PXDNL: variants seen among roughly 807,000 people sequenced by gnomAD.
PXDNL encodes the protein peroxidasin like.
In PXDNL, 145 loss-of-function variants were observed where a neutral mutation model predicts 150.8. The observed-to-expected ratio is 0.96, with a 90% CI of 0.84 to 1.10. The LOEUF is 1.10. Among genes scored for constraint, PXDNL ranks in the 50% least tolerant of loss-of-function variants. PXDNL has a pLI of 0.00. For synonymous variants in PXDNL, 757 were observed against 725.7 expected (o/e 1.04, Z -0.69); for missense variants, 2,087 against 1,873.9 (o/e 1.11, Z -2.10).
At chr8:51,356,483 T>C (rs1305674214) in intron 19 of PXDNL, among the ~76,000 whole-genome samples, 1 of 125,828 alleles carries the variant, frequency 7.9e-6, no homozygotes, top group East Asian at 2.5e-4. Context: ...TGAAACTCCA[T>C]CTCAAAAAAA....
Position 51,411,277 on chromosome 8 carries a change from CCT to C in PXDNL, c.2033_2034del (p.Gln678ArgfsTer15), listed in dbSNP as rs756786482. The C allele has an allele frequency of 2.0e-6, 3 of 1,520,126 alleles. No homozygotes were observed. The highest frequency in any genetic ancestry group is 3.5e-4 in the Middle Eastern group (2 of 5,782). The allele number at this position is 1,520,126 out of a possible 1,614,324, so 94.2% of individuals were successfully genotyped here. A position where few individuals can be genotyped will look rare whatever the true frequency, so the allele number is the denominator to read the frequency against. ...TLQLIRERVK[Q>X]GLTVDLEGKE... Reference sequence around the variant, plus strand: ...TTGCCTTCCAAGTCCACAGTGAGCCCCTGCTTCACACGTTCCCGTATCAGCTG... The same window carrying C: ...TTGCCTTCCAAGTCCACAGTGAGCCCGCTTCACACGTTCCCGTATCAGCTG... On this transcript the variant is annotated frameshift_variant, in exon 16 of 23. Coordinates refer to ENST00000356297, the MANE Select transcript of PXDNL (RefSeq NM_144651.5). LOFTEE classifies it high-confidence loss of function.
At chr8:51,628,405 T>TC (rs1240320595) in intron 2 of PXDNL, among the ~76,000 whole-genome samples, 2 of 118,158 alleles carry the variant, frequency 1.7e-5, no homozygotes, top group East Asian at 2.4e-4. Flanking sequence ...TTTTCTTTTT[T>TC]TTTTTTTTTT....
intron 5 of PXDNL, among the ~76,000 whole-genome samples, chr8:51,486,753 TATATA>T (rs1810747868): frequency 1.2e-3 from 26 of 21,800 alleles, no homozygotes; most frequent in African/African-American, 3.3e-3. Flanking sequence ...AAAAAGTTTA[TATATA>T]TATATATATA....
chr8:51,510,972 C>G (rs778446791), intron 4 of PXDNL, among the ~76,000 whole-genome samples: 1 of 152,090 alleles, frequency 6.6e-6, no homozygotes, highest in African/African-American at 2.4e-5. Context: ...TACAATGGAA[C>G]AGATCAAGGG....
intron 3 of PXDNL, among the ~76,000 whole-genome samples, chr8:51,566,099 G>T (rs1008037604): frequency 2.0e-5 from 3 of 151,770 alleles, no homozygotes; most frequent in African/African-American, 7.3e-5. Context: ...TGATATGATG[G>T]ATTACATTAT....
intron 21 of PXDNL, among the ~76,000 whole-genome samples, chr8:51,337,872 CA>C (rs34248614): frequency 1.3e-3 from 171 of 128,044 alleles, no homozygotes; most frequent in Admixed American, 1.3e-3. Context: ...GACTCCATCT[CA>C]AAAAAAAAAA....
At position 51,423,702 on chromosome 8, in the gene PXDNL, T is replaced by C; in HGVS notation, c.1668A>G (p.Lys556=). The stretch of plus-strand genomic sequence containing the variant: ...GCGTGCCTTCATCATCCACATGGAA[T>C]TTACCACTCTCAGTAATCTGCACAC... ...KEGVQITESG[K]FHVDDEGTLT... Residue 556 remains lysine (K), a synonymous_variant, in exon 14 of 23, where the codon AAA becomes AAG. Coordinates refer to ENST00000356297, the MANE Select transcript of PXDNL (RefSeq NM_144651.5). The C allele has an allele frequency of 6.2e-7, 1 of 1,613,746 alleles. No individual in the cohort carries two copies. Among genetic ancestry groups the C allele is most frequent in the South Asian group, 1.1e-5 (1 of 91,066 alleles).
chr8:51,667,149 T>A (rs986192323), intron 1 of PXDNL, among the ~76,000 whole-genome samples: 5 of 152,156 alleles, frequency 3.3e-5, no homozygotes, highest in Non-Finnish European at 7.3e-5. Flanking sequence ...TGCTCAATCA[T>A]GATCTCTTCC....
chr8:51,761,331 T>G (rs796304628), intron 1 of PXDNL, among the ~76,000 whole-genome samples: 4 of 152,300 alleles, frequency 2.6e-5, no homozygotes, highest in African/African-American at 9.6e-5. Flanking sequence ...TGATACTTGC[T>G]AACCTGATGG....
chr8:51,359,249 A>G (rs1806634160), intron 19 of PXDNL, among the ~76,000 whole-genome samples: 1 of 152,146 alleles, frequency 6.6e-6, no homozygotes, highest in Admixed American at 6.5e-5. Context: ...CAGAGATGAC[A>G]AAAGAACATC....
intron 5 of PXDNL, among the ~76,000 whole-genome samples, chr8:51,492,731 G>C (rs1810926014): frequency 6.6e-6 from 1 of 152,120 alleles, no homozygotes; most frequent in Non-Finnish European, 1.5e-5. Flanking sequence ...AGTGAGGCTG[G>C]GGGAGGGGCG....
chr8:51,640,809 C>G lies in PXDNL; in HGVS notation c.236+13880G>C, dbSNP rs1419456180. Among the ~76,000 whole-genome samples, 15 of 152,086 alleles carry G rather than the reference C, an allele frequency of 9.9e-5. No individual in the cohort carries two copies. The East Asian group carries it at 2.5e-3, about 25-fold the overall frequency. On this transcript the variant is annotated intron_variant, in intron 2 of 22. Coordinates refer to ENST00000356297, the MANE Select transcript of PXDNL (RefSeq NM_144651.5). ...GTAATTTATAGATTCAATGCCATCC[C>G]CATCAAGCTACCAATGACTTTCTTC...
intron 4 of PXDNL, among the ~76,000 whole-genome samples, chr8:51,541,217 CG>C (rs1481313983): frequency 6.7e-6 from 1 of 148,752 alleles, no homozygotes; most frequent in African/African-American, 2.5e-5. Flanking sequence ...AAGATGGCAC[CG>C]CTGCACTCCG....
intron 1 of PXDNL, among the ~76,000 whole-genome samples, chr8:51,747,777 T>C (rs2037001740): frequency 6.6e-6 from 1 of 152,212 alleles, no homozygotes; most frequent in Non-Finnish European, 1.5e-5. Context: ...TCCCGGGCCA[T>C]AGTTTTAATG....
intron 21 of PXDNL, among the ~76,000 whole-genome samples, chr8:51,338,575 C>T (rs1360554167): frequency 3.3e-5 from 5 of 152,250 alleles, no homozygotes; most frequent in Non-Finnish European, 7.3e-5. Context: ...CATCCTCCTA[C>T]AGTGTTTTCT....
intron 4 of PXDNL, among the ~76,000 whole-genome samples, chr8:51,544,889 C>T (rs1042866496): frequency 6.7e-6 from 1 of 149,378 alleles, no homozygotes; most frequent in African/African-American, 2.5e-5. Flanking sequence ...CAATAAGAAA[C>T]ATTAAAATAA....
At position 51,588,406 on chromosome 8, in the gene PXDNL, T is replaced by C. The variant is rs150219080; in HGVS notation, c.308+4221A>G. On this transcript the variant is annotated intron_variant, in intron 3 of 22. Coordinates refer to ENST00000356297, the MANE Select transcript of PXDNL (RefSeq NM_144651.5). Reference sequence around the variant, plus strand: ...TTCACACATCTGTTATCCTTGCCTTTTAAATAACATGTCTTACAAGAGCCC... The same window carrying C: ...TTCACACATCTGTTATCCTTGCCTTCTAAATAACATGTCTTACAAGAGCCC... 2.6e-3 allele frequency among the ~76,000 whole-genome samples: 394 copies of C among 152,326 alleles called. 2 individuals carry two copies. Among genetic ancestry groups the C allele is most frequent in the Non-Finnish European group, 4.2e-3 (287 of 68,024 alleles).
At chr8:51,608,351 T>C (rs1455179845) in intron 2 of PXDNL, among the ~76,000 whole-genome samples, 1 of 127,740 alleles carries the variant, frequency 7.8e-6, no homozygotes, top group Non-Finnish European at 1.6e-5. Flanking sequence ...ATTGCACCAC[T>C]GCACTCCAGC....
At chr8:51,723,477 T>C (rs890940762) in intron 1 of PXDNL, among the ~76,000 whole-genome samples, 47 of 152,202 alleles carry the variant, frequency 3.1e-4, no homozygotes, top group African/African-American at 1.1e-3. Context: ...GATATCAGCC[T>C]CAAGCAAGCC....
Sources: gnomAD v4.1 joint callset for allele counts (sites outside exome capture counted in the v4.1 genomes callset) on GRCh38, gnomAD v4.1.1 for gene constraint, MANE v1.5 for transcripts, NCBI Gene and HGNC (gene_info 2026-07-23, HGNC 2026-07-21) for gene names.